Variants in SOHLH2 observed in about 807,000 individuals in gnomAD.
SOHLH2 encodes spermatogenesis and oogenesis specific basic helix-loop-helix 2.
Under a neutral mutation model 50.4 loss-of-function variants are expected in SOHLH2, and 22 were observed. That is an observed-to-expected ratio of 0.44 (90% confidence interval 0.31 to 0.62). The LOEUF (loss-of-function observed/expected upper bound fraction) is 0.62, where lower values mean the gene tolerates loss of function less well. Among genes scored for constraint, SOHLH2 ranks in the 20% least tolerant of loss-of-function variants. SOHLH2 has a pLI of 0.08. For missense variants in SOHLH2, 412 were observed against 504.4 expected (o/e 0.82, Z 1.76); for synonymous variants, 185 against 187.3 (o/e 0.99, Z 0.10).
chr13:36,214,546 G>A lies in SOHLH2; in HGVS notation c.-20C>T. ...AGCCATGGCCGCTGCGCACGTGCTG[G>A]GTCCTGGGGCAGCCTCCCAGCAGGA... is the stretch of plus-strand genomic sequence containing the variant. On this transcript the variant is annotated 5_prime_UTR_variant, in exon 1 of 11. Transcript: ENST00000379881. 6.2e-7 allele frequency: 1 copy of A among 1,608,264 alleles called. No individual in the cohort carries two copies. Among genetic ancestry groups the A allele is most frequent in the East Asian group, 2.2e-5 (1 of 44,732 alleles).
intron 6 of SOHLH2, among the ~76,000 whole-genome samples, chr13:36,180,380 C>T (rs530580322): frequency 6.6e-6 from 1 of 152,044 alleles, no homozygotes; most frequent in African/African-American, 2.4e-5. Flanking sequence ...AGGCCTTTTG[C>T]CTTATCTAAT....
chr13:36,199,442 A>G (rs1388967837), intron 2 of SOHLH2, among the ~76,000 whole-genome samples: 1 of 152,242 alleles, frequency 6.6e-6, no homozygotes, highest in African/African-American at 2.4e-5. Context: ...CTGGAGCTAC[A>G]GCAAGGCAGA....
rs186134321 is a variant in SOHLH2 at position 36,184,939 on chromosome 13, A to G, written c.641+5007T>C. On this transcript the variant is annotated intron_variant, in intron 6 of 10. Coordinates refer to ENST00000379881, the MANE Select transcript of SOHLH2 (RefSeq NM_017826.3). ...TCCCCTTTCCCCTCAACCCCCCGAC[A>G]GGCCCTGGTGTGCAATATTCCCCTC... Among the ~76,000 whole-genome samples the G allele has an allele frequency of 2.0e-5, 3 of 151,670 alleles. No homozygotes were observed. In the East Asian group the frequency reaches 5.8e-4, roughly 30 times the overall value.
intron 1 of SOHLH2, among the ~76,000 whole-genome samples, chr13:36,213,941 A>G (rs1367480088): frequency 6.6e-6 from 1 of 152,086 alleles, no homozygotes; most frequent in Non-Finnish European, 1.5e-5. Flanking sequence ...TTGTCCAGCC[A>G]CCAGCCCCAG....
intron 1 of SOHLH2, among the ~76,000 whole-genome samples, chr13:36,211,837 C>A (rs1359813067): frequency 1.3e-5 from 2 of 152,200 alleles, no homozygotes; most frequent in Non-Finnish European, 2.9e-5. Flanking sequence ...TCAAATCAAC[C>A]TAGCAGGGGA....
intron 6 of SOHLH2, among the ~76,000 whole-genome samples, chr13:36,179,716 T>C (rs917034490): frequency 7.9e-5 from 12 of 152,074 alleles, no homozygotes; most frequent in African/African-American, 2.4e-4. Context: ...CCAAGCCCAA[T>C]TGGTTGATTT....
chr13:36,214,370 C>G (rs940467750), intron 1 of SOHLH2, 109 bp downstream of exon 1: 1 of 1,355,194 alleles, frequency 7.4e-7, no homozygotes, highest in African/African-American at 1.5e-5. Context: ...CACAGTTCCC[C>G]GACAATGAGA....
intron 1 of SOHLH2, among the ~76,000 whole-genome samples, chr13:36,214,019 G>A: frequency 7.2e-6 from 1 of 138,044 alleles, no homozygotes; most frequent in South Asian, 2.4e-4. Context: ...AAAATAAGTT[G>A]GGGAAACGTC....
At chr13:36,189,439 C>A (rs1018485269) in intron 6 of SOHLH2, among the ~76,000 whole-genome samples, 4 of 152,128 alleles carry the variant, frequency 2.6e-5, no homozygotes, top group Admixed American at 2.0e-4. Flanking sequence ...CATAAATTCA[C>A]TGGACTCTCT....
At position 36,170,556 on chromosome 13, in the gene SOHLH2, G is replaced by C. The variant is rs143700833; in HGVS notation, c.1232C>G (p.Thr411Arg). ...PRHCTSGLGQTCTTHPNCLQQ... is the reference protein window; with the variant it reads ...PRHCTSGLGQRCTTHPNCLQQ... ...CAGACAGTTGGGATGTGTAGTGCAC[G>C]TCTGGCCCAACCCAGAAGTGCAGTG... The change falls in exon 10 of 11, where the codon ACG (threonine) becomes AGG (arginine). Residue 411 changes from threonine to arginine, a missense_variant. Transcript: ENST00000379881. 2 of 1,614,116 alleles carry C rather than the reference G, an allele frequency of 1.2e-6. No homozygotes were observed. Among genetic ancestry groups the C allele is most frequent in the Non-Finnish European group, 1.7e-6 (2 of 1,179,976 alleles).
intron 1 of SOHLH2, among the ~76,000 whole-genome samples, chr13:36,210,454 C>T (rs1297168458): frequency 1.3e-5 from 2 of 150,392 alleles, no homozygotes; most frequent in African/African-American, 4.9e-5. Flanking sequence ...TTTTTTTTAA[C>T]GTTCAGAGAG....
chr13:36,214,171 G>A (rs1869290927), intron 1 of SOHLH2, among the ~76,000 whole-genome samples: 1 of 151,842 alleles, frequency 6.6e-6, no homozygotes, highest in African/African-American at 2.4e-5. Flanking sequence ...TTTATAACAC[G>A]ATTCAGTTCT....
At chr13:36,196,302 T>C (rs1593952769) in intron 2 of SOHLH2, among the ~76,000 whole-genome samples, 1 of 151,938 alleles carries the variant, frequency 6.6e-6, no homozygotes, top group East Asian at 1.9e-4. Flanking sequence ...TTTTTTGTAT[T>C]TTTAGTAGAG....
intron 1 of SOHLH2, among the ~76,000 whole-genome samples, chr13:36,212,151 T>C (rs1400815276): frequency 6.6e-6 from 1 of 152,148 alleles, no homozygotes; most frequent in East Asian, 1.9e-4. Flanking sequence ...GGTAGGAAGA[T>C]GATCTGGAAA....
intron 2 of SOHLH2, among the ~76,000 whole-genome samples, chr13:36,195,323 G>T (rs898183818): frequency 6.6e-6 from 1 of 152,152 alleles, no homozygotes; most frequent in African/African-American, 2.4e-5. Context: ...AACACTCTGG[G>T]CAAAAGGCAC....
rs766427376 is a variant in SOHLH2, at chr13:36,189,990, G to T, written c.597C>A (p.Asn199Lys). The change falls in exon 6 of 11, where the codon AAC becomes AAA. Residue 199 changes from asparagine to lysine, a missense_variant. Asn to Lys is a moderately conservative substitution (Grantham distance 94). Coordinates refer to ENST00000379881, the MANE Select transcript of SOHLH2 (RefSeq NM_017826.3). Reference protein sequence around the residue: ...LNASLSEFEKNKKISLLHSSK... With the variant: ...LNASLSEFEKKKKISLLHSSK... ...TTGAATGAAGAAGAGAGATCTTTTT[G>T]TTTTTCTCGAACTCTGACAACGAAG... is the stretch of plus-strand genomic sequence containing the variant. 8.7e-6 allele frequency: 14 copies of T among 1,606,510 alleles called. No homozygotes were observed. Among genetic ancestry groups the T allele is most frequent in the Non-Finnish European group, 1.2e-5 (14 of 1,175,692 alleles).
At chr13:36,202,191 C>A in intron 1 of SOHLH2, 98 bp from the exon 2 acceptor site, 1 of 1,434,578 alleles carries the variant, frequency 7.0e-7, no homozygotes, top group Non-Finnish European at 9.4e-7. Context: ...TCACAAATAA[C>A]ACAACAATTG....
chr13:36,179,529 C>A (rs1016847692), intron 6 of SOHLH2, among the ~76,000 whole-genome samples: 1 of 152,174 alleles, frequency 6.6e-6, no homozygotes, highest in African/African-American at 2.4e-5. Flanking sequence ...ATGCCTCAGC[C>A]TCACGAGTAG....
intron 9 of SOHLH2, among the ~76,000 whole-genome samples, chr13:36,171,853 T>C (rs1346450243): frequency 6.6e-6 from 1 of 152,138 alleles, no homozygotes; most frequent in East Asian, 1.9e-4. Context: ...CAAATATACA[T>C]ATGTATGACA....
Sources: allele counts gnomAD v4.1 joint callset (sites outside exome capture counted in the v4.1 genomes callset), GRCh38; gene constraint gnomAD v4.1.1; transcripts MANE v1.5; gene names NCBI Gene and HGNC (gene_info 2026-07-23, HGNC 2026-07-21).